Variants in DEFB121 observed in about 807,000 individuals in gnomAD.
The protein encoded by DEFB121 is beta-defensin 121.
In DEFB121, 5 loss-of-function variants were observed where a neutral mutation model predicts 2.5. The observed-to-expected ratio is 1.96, with a 90% CI of 1.03 to 4.13. The LOEUF is 4.13. DEFB121 is among the 30% of genes most tolerant of loss of function. The pLI is 0.00. For synonymous variants in DEFB121, 39 were observed against 32.6 expected, an observed-to-expected ratio of 1.20 and a Z score of -0.67; for missense variants, 87 against 85.0, an observed-to-expected ratio of 1.02 and a Z score of -0.09.
upstream of DEFB121, among the ~76,000 whole-genome samples, chr20:31,416,789 A>G (rs7273187): frequency 0.17 from 26,486 of 152,180 alleles, 2,546 homozygotes; most frequent in African/African-American, 0.21. Flanking sequence ...TCCAAAAACA[A>G]TTCCACGTTA....
upstream of DEFB121, among the ~76,000 whole-genome samples, chr20:31,413,189 G>A (rs73611994): frequency 7.5e-4 from 115 of 152,328 alleles, no homozygotes; most frequent in East Asian, 0.022. Flanking sequence ...CAAAGGTGCG[G>A]GGAGATGAGG....
upstream of DEFB121, among the ~76,000 whole-genome samples, chr20:31,414,808 T>G (rs922704914): frequency 6.6e-6 from 1 of 152,116 alleles, no homozygotes; most frequent in African/African-American, 2.4e-5. Context: ...CCCAGCACTT[T>G]GGGAGGCTGA....
upstream of DEFB121, among the ~76,000 whole-genome samples, chr20:31,413,413 A>G (rs556584752): frequency 6.6e-6 from 1 of 152,360 alleles, no homozygotes; most frequent in South Asian, 2.1e-4. Context: ...GTCCTCTAAC[A>G]GCCAGCTCTG....
upstream of DEFB121, among the ~76,000 whole-genome samples, chr20:31,408,396 G>A (rs749970228): frequency 5.3e-5 from 8 of 152,146 alleles, no homozygotes; most frequent in Admixed American, 2.0e-4. Flanking sequence ...AAGCTACAAT[G>A]AGCTAAAATT....
At chr20:31,410,856 A>AGAGAG (rs1568740216), upstream of DEFB121, among the ~76,000 whole-genome samples, 55 of 122,222 alleles carry the variant, frequency 4.5e-4, no homozygotes, top group Non-Finnish European at 5.4e-4. Flanking sequence ...GAGAGAGAGA[A>AGAGAG]AGAGAGCAAC....
chr20:31,408,472 A>C, upstream of DEFB121, among the ~76,000 whole-genome samples: 1 of 151,792 alleles, frequency 6.6e-6, no homozygotes, highest in East Asian at 1.9e-4. Flanking sequence ...AGACAAGATA[A>C]ATTTTCTTGT....
At chr20:31,407,032 G>T (rs925076175), upstream of DEFB121, among the ~76,000 whole-genome samples, 7 of 152,074 alleles carry the variant, frequency 4.6e-5, no homozygotes, top group African/African-American at 1.7e-4. Flanking sequence ...CGGATCACAA[G>T]TTCAGGAGAT....
rs112129184 is a variant in DEFB121 at position 31,405,607 on chromosome 20, A to G, written c.58+488T>C. Among the ~76,000 whole-genome samples the G allele has an allele frequency of 2.4e-4, 37 of 152,290 alleles. 1 individual carries two copies. The highest frequency in any genetic ancestry group is 8.9e-4 in the African/African-American group (37 of 41,562). On this transcript the variant is annotated intron_variant, in intron 1 of 1. Transcript: ENST00000376314. ...CATCCTGGGACTTTTCTCTGGCCCCAACCAGTCAAGGGAATTAGGAACAGC... is the reference window on the plus strand; with the variant it reads ...CATCCTGGGACTTTTCTCTGGCCCCGACCAGTCAAGGGAATTAGGAACAGC...
At chr20:31,417,777 A>C (rs1205509624), upstream of DEFB121, among the ~76,000 whole-genome samples, 3 of 152,058 alleles carry the variant, frequency 2.0e-5, no homozygotes, top group Non-Finnish European at 4.4e-5. Flanking sequence ...AGCCTGGCCA[A>C]CATGGTGAAA....
chr20:31,413,918 G>T (rs535494247), upstream of DEFB121, among the ~76,000 whole-genome samples: 2 of 152,182 alleles, frequency 1.3e-5, no homozygotes, highest in Non-Finnish European at 2.9e-5. Flanking sequence ...TTCAAAAAAT[G>T]AAAGATAGGC....
At chr20:31,414,660 T>C (rs980188709), upstream of DEFB121, among the ~76,000 whole-genome samples, 3 of 152,206 alleles carry the variant, frequency 2.0e-5, no homozygotes, top group African/African-American at 4.8e-5. Flanking sequence ...CAAACTTATA[T>C]CAACAAAGAG....
At chr20:31,415,732 TCTC>T (rs200529682), upstream of DEFB121, among the ~76,000 whole-genome samples, 869 of 152,138 alleles carry the variant, frequency 5.7e-3, 6 homozygotes, top group South Asian at 0.031. Context: ...TGGAGGACCT[TCTC>T]CTTCTCCAAG....
chr20:31,406,078 C>G lies in DEFB121; in HGVS notation c.58+17G>C. Reference sequence around the variant, plus strand: ...CAGGTTTCCTGACTCCCATCCCCTTCTGGAGATCCTGTTTACCTGGGGTGA... The same window carrying G: ...CAGGTTTCCTGACTCCCATCCCCTTGTGGAGATCCTGTTTACCTGGGGTGA... On this transcript the variant is annotated intron_variant, in intron 1 of 1. Transcript: ENST00000376314. The G allele has an allele frequency of 6.2e-7, 1 of 1,613,932 alleles. No individual in the cohort carries two copies. Among genetic ancestry groups the G allele is most frequent in the Non-Finnish European group, 8.5e-7 (1 of 1,179,868 alleles).
chr20:31,414,647 A>G (rs969688942), upstream of DEFB121, among the ~76,000 whole-genome samples: 5 of 152,260 alleles, frequency 3.3e-5, no homozygotes, highest in African/African-American at 9.6e-5. Flanking sequence ...TGTCTAAAAC[A>G]GTCAAACTTA....
upstream of DEFB121, chr20:31,406,224 C>T (rs1167809954): frequency 2.5e-6 from 4 of 1,601,420 alleles, no homozygotes; most frequent in African/African-American, 5.4e-5. Context: ...CCATTCTGGG[C>T]AGTCCAGACT....
intron 1 of DEFB121, among the ~76,000 whole-genome samples, 153 bp from the exon 2 acceptor site, chr20:31,405,238 G>A (rs999467374): frequency 6.6e-6 from 1 of 152,150 alleles, no homozygotes; most frequent in Non-Finnish European, 1.5e-5. Context: ...AAGTTTAAGG[G>A]AGATTATAGA....
At chr20:31,408,178 T>C (rs1600530435), upstream of DEFB121, among the ~76,000 whole-genome samples, 1 of 152,150 alleles carries the variant, frequency 6.6e-6, no homozygotes, top group South Asian at 2.1e-4. Flanking sequence ...GAGCAGAGGC[T>C]CCTGCCTGTA....
upstream of DEFB121, among the ~76,000 whole-genome samples, chr20:31,416,448 G>A (rs1978809415): frequency 6.6e-6 from 1 of 152,118 alleles, no homozygotes; most frequent in Non-Finnish European, 1.5e-5. Flanking sequence ...AAAGTTTTCT[G>A]CTCCTTTAAA....
intron 1 of DEFB121, 77 bp downstream of exon 1, chr20:31,406,018 C>A (rs781668247): frequency 5.5e-5 from 85 of 1,537,978 alleles, no homozygotes; most frequent in Non-Finnish European, 7.2e-5. Context: ...CCCAGCCCAA[C>A]CTGTCAGAGT....
Sources: gnomAD v4.1 joint callset for allele counts (sites outside exome capture counted in the v4.1 genomes callset) on GRCh38, gnomAD v4.1.1 for gene constraint, MANE v1.5 for transcripts, NCBI Gene and HGNC (gene_info 2026-07-23, HGNC 2026-07-21) for gene names.